FNDC3A: variants seen among roughly 807,000 people sequenced by gnomAD.
FNDC3A encodes the protein fibronectin type-III domain-containing protein 3A.
A neutral mutation model predicts 148.9 loss-of-function variants in FNDC3A; 32 were observed. The observed-to-expected ratio is 0.21, with a 90% confidence interval of 0.16 to 0.29. The LOEUF (loss-of-function observed/expected upper bound fraction) is 0.29, where lower values mean the gene tolerates loss of function less well. FNDC3A is among the 10% of genes least tolerant of loss of function. The pLI is 1.00. For missense variants in FNDC3A, 1,191 were observed against 1,452.8 expected (o/e 0.82, Z 2.93); for synonymous variants, 472 against 473.6 (o/e 1.00, Z 0.04).
In FNDC3A at chr13:49,207,419, C is replaced by G. The variant is rs1886702779; in HGVS notation, c.*24C>G. 7.3e-7 allele frequency: 1 copy of G among 1,371,468 alleles called. No individual in the cohort carries two copies. The highest frequency in any genetic ancestry group is 1.5e-5 in the African/African-American group (1 of 68,430). The allele number at this position is 1,371,468 out of a possible 1,614,324, so 85.0% of individuals were successfully genotyped here. A position where few individuals can be genotyped will look rare whatever the true frequency, so the allele number is the denominator to read the frequency against. On this transcript the variant is annotated 3_prime_UTR_variant, in exon 26 of 26. Transcript: ENST00000492622. ...GAAAATATAACTTTATTTTTTAACT[C>G]TATTACATTTTATTTTGTCATGTAC...
intron 3 of FNDC3A, among the ~76,000 whole-genome samples, chr13:49,106,264 C>T (rs542270234): frequency 3.9e-5 from 6 of 152,312 alleles, no homozygotes; most frequent in African/African-American, 1.4e-4. Flanking sequence ...CAATCTTCCC[C>T]CTCACCATCA....
intron 2 of FNDC3A, among the ~76,000 whole-genome samples, chr13:49,016,270 A>G (rs1413707212): frequency 6.6e-6 from 1 of 152,014 alleles, no homozygotes; most frequent in Non-Finnish European, 1.5e-5. Context: ...GATTATTGCC[A>G]CAATTTCAGC....
intron 5 of FNDC3A, among the ~76,000 whole-genome samples, chr13:49,135,279 T>G (rs1019955686): frequency 6.6e-6 from 1 of 152,206 alleles, no homozygotes; most frequent in African/African-American, 2.4e-5. Flanking sequence ...ACAAGTTCCT[T>G]ATCAGATATA....
intron 12 of FNDC3A, 125 bp downstream of exon 12, chr13:49,174,684 A>C: frequency 1.2e-6 from 1 of 813,468 alleles, no homozygotes; most frequent in Non-Finnish European, 1.9e-6. Flanking sequence ...TTGTTGATAT[A>C]GTTAAGATGT....
chr13:49,168,514 A>G (rs1884595784), intron 9 of FNDC3A, 99 bp from the exon 10 acceptor site: 2 of 705,860 alleles, frequency 2.8e-6, no homozygotes, highest in Admixed American at 5.7e-5. Flanking sequence ...TAGAACTTTT[A>G]GTGGACACCT....
intron 2 of FNDC3A, among the ~76,000 whole-genome samples, chr13:49,049,573 C>G (rs1427464484): frequency 6.6e-6 from 1 of 152,002 alleles, no homozygotes; most frequent in African/African-American, 2.4e-5. Context: ...TCCATCTCCT[C>G]TAGGTTTTCT....
At chr13:48,986,366 G>C (rs1448610250) in intron 1 of FNDC3A, among the ~76,000 whole-genome samples, 1 of 138,246 alleles carries the variant, frequency 7.2e-6, no homozygotes, top group East Asian at 2.5e-4. Flanking sequence ...GAGGAAGACA[G>C]AGTAAGGAGA....
At chr13:49,088,477 T>C (rs1479851599) in intron 3 of FNDC3A, among the ~76,000 whole-genome samples, 2 of 152,218 alleles carry the variant, frequency 1.3e-5, no homozygotes, top group African/African-American at 4.8e-5. Context: ...ACTTCTAGAT[T>C]GAATGATTGT....
chr13:49,052,287 G>A (rs1875896099), intron 2 of FNDC3A, among the ~76,000 whole-genome samples: 1 of 152,142 alleles, frequency 6.6e-6, no homozygotes, highest in African/African-American at 2.4e-5. Flanking sequence ...ATTTTTCCTG[G>A]TTCCTTCCCA....
At chr13:49,081,437 T>G (rs1035156189) in intron 3 of FNDC3A, among the ~76,000 whole-genome samples, 1 of 152,226 alleles carries the variant, frequency 6.6e-6, no homozygotes, top group Non-Finnish European at 1.5e-5. Flanking sequence ...GGTACTTGGG[T>G]TTGAGTTCAA....
chr13:49,039,057 AT>A (rs1375588048), intron 2 of FNDC3A, among the ~76,000 whole-genome samples: 2 of 152,154 alleles, frequency 1.3e-5, no homozygotes, highest in East Asian at 3.9e-4. Context: ...CATCTGATAG[AT>A]TTTGGTGGTG....
chr13:49,123,672 T>A (rs1382468056), intron 4 of FNDC3A, among the ~76,000 whole-genome samples: 1 of 149,864 alleles, frequency 6.7e-6, no homozygotes, highest in African/African-American at 2.4e-5. Context: ...ACCAACCCCA[T>A]CAAAAAGTGG....
At chr13:48,988,217 C>G (rs974332017) in intron 1 of FNDC3A, among the ~76,000 whole-genome samples, 1 of 152,132 alleles carries the variant, frequency 6.6e-6, no homozygotes, top group African/African-American at 2.4e-5. Flanking sequence ...ACTTTTAACA[C>G]CCCACTGTCA....
At chr13:49,165,950 G>A (rs544439010) in intron 8 of FNDC3A, among the ~76,000 whole-genome samples, 14 of 152,264 alleles carry the variant, frequency 9.2e-5, no homozygotes, top group African/African-American at 3.4e-4. Flanking sequence ...TGGCACAGGT[G>A]ATGGACTGGG....
chr13:49,189,184 A>ACAGAGTCT (rs930804867), intron 17 of FNDC3A, among the ~76,000 whole-genome samples: 7 of 5,228 alleles, frequency 1.3e-3, no homozygotes, highest in Non-Finnish European at 3.8e-3. Context: ...TTTTTGGGAA[A>ACAGAGTCT]CAGTCTCACT....
chr13:49,037,619 G>A (rs149692377), intron 2 of FNDC3A, among the ~76,000 whole-genome samples: 15 of 152,214 alleles, frequency 9.9e-5, no homozygotes, highest in South Asian at 4.1e-4. Flanking sequence ...CTCACCTTCA[G>A]TATCTTCAGT....
At chr13:49,129,059 C>A (rs1381292986) in intron 4 of FNDC3A, among the ~76,000 whole-genome samples, 1 of 152,208 alleles carries the variant, frequency 6.6e-6, no homozygotes, top group Non-Finnish European at 1.5e-5. Context: ...TGTTTGTCTG[C>A]CCCTGTTAGT....
In FNDC3A at chr13:49,208,753, C is replaced by T. The variant is rs1886766149; in HGVS notation, c.*1358C>T. The T allele has an allele frequency of 6.6e-6, 1 of 152,566 alleles. No individual in the cohort carries two copies. 9.5% of individuals were successfully genotyped at this position (152,566 alleles called of 1,614,324 possible). ...TAGCACATCTGTTATCCGTAAAACA[C>T]CTGTAACTAGCTTTTTTAATTTATT... On this transcript the variant is annotated 3_prime_UTR_variant, in exon 26 of 26. Coordinates refer to ENST00000492622, the MANE Select transcript of FNDC3A (RefSeq NM_001079673.2).
intron 2 of FNDC3A, among the ~76,000 whole-genome samples, chr13:49,043,010 C>T (rs561589289): frequency 1.3e-5 from 2 of 152,168 alleles, no homozygotes; most frequent in Non-Finnish European, 2.9e-5. Flanking sequence ...GACTGGAATG[C>T]AGTGGTACAA....
Sources: gnomAD v4.1 joint callset for allele counts (sites outside exome capture counted in the v4.1 genomes callset) on GRCh38, gnomAD v4.1.1 for gene constraint, MANE v1.5 for transcripts, NCBI Gene and HGNC (gene_info 2026-07-23, HGNC 2026-07-21) for gene names.